The following ENGASE variants were observed in gnomAD, a reference collection of about 807,000 sequenced individuals.
The protein encoded by ENGASE is endo-beta-N-acetylglucosaminidase.
ENGASE carries 69 observed loss-of-function variants against 78.5 expected under a neutral mutation model. The ratio of observed to expected loss-of-function variants is 0.88; its 90% CI spans 0.72 to 1.07. The LOEUF (loss-of-function observed/expected upper bound fraction) is 1.07. ENGASE is among the 50% of genes least tolerant of loss of function. The probability of loss-of-function intolerance (pLI) is 0.00; values close to 1 mark genes in which losing one functional copy is unlikely to be tolerated. For synonymous variants in ENGASE, 408 were observed against 408.9 expected, an observed-to-expected ratio of 1.00 and a Z score of 0.03; for missense variants, 943 against 988.4, an observed-to-expected ratio of 0.95 and a Z score of 0.62.
chr17:79,077,966 G>A, intron 3 of ENGASE, 102 bp downstream of exon 3: 1 of 1,247,834 alleles, frequency 8.0e-7, no homozygotes, highest in Non-Finnish European at 1.1e-6. Context: ...AAGAGCACTG[G>A]GCGGGGAGTC....
Position 79,081,926 on chromosome 17 carries a change from T to C in ENGASE, c.901T>C (p.Phe301Leu). The C allele has an allele frequency of 6.2e-7, 1 of 1,613,700 alleles. No individual in the cohort carries two copies. Among genetic ancestry groups the C allele is most frequent in the Non-Finnish European group, 8.5e-7 (1 of 1,179,738 alleles). The change falls in exon 7 of 14, where the codon TTC becomes CTC. Residue 301 changes from phenylalanine (F) to leucine (L), a missense_variant. Physicochemically the swap from Phe to Leu is conservative, Grantham distance 22. Coordinates refer to ENST00000579016, the MANE Select transcript of ENGASE (RefSeq NM_001042573.3). ...RVFFDSCDGF[F>L]TNYNWREEHL... ...CTTCTTTGATTCCTGCGACGGCTTC[T>C]TCACTAACTATAACTGGCGGGAGGA...
Position 79,074,970 on chromosome 17 carries a change from C to G in ENGASE, c.26C>G (p.Thr9Ser), listed in dbSNP as rs1048262706. ...ATGGAGGCCGCGGCGGTGACGGTCA[C>G]CCGGTCGGCTACACGGCGGCGGCGG... MEAAAVTV[T>S]RSATRRRRRQ... Residue 9 changes from threonine (T) to serine (S), a missense_variant, in exon 1 of 14, where the codon ACC (threonine) becomes AGC (serine). Thr to Ser is a moderately conservative substitution (Grantham distance 58). Transcript: ENST00000579016. 3.2e-6 allele frequency: 4 copies of G among 1,247,908 alleles called. No individual in the cohort carries two copies. Among genetic ancestry groups the G allele is most frequent in the Admixed American group, 3.7e-5 (1 of 26,712 alleles). The allele number at this position is 1,247,908 out of a possible 1,614,324, so 77.3% of individuals were successfully genotyped here.
At chr17:79,075,185 C>T (rs921498482) in intron 1 of ENGASE, 95 bp downstream of exon 1, 138 of 1,155,644 alleles carry the variant, frequency 1.2e-4, no homozygotes, top group Non-Finnish European at 1.4e-4. Context: ...CGCCGAGGGG[C>T]GGGGGGCCGG....
Position 79,074,867 on chromosome 17 carries a change from C to A in ENGASE, c.-78C>A. On this transcript the variant is annotated 5_prime_UTR_variant, in exon 1 of 14. Transcript: ENST00000579016. Reference sequence around the variant, plus strand: ...CCGTCCCAGCGCGGCGTCAGCGCTGCGCACTTCCCATTGGCCGAGCGCGGC... The same window carrying A: ...CCGTCCCAGCGCGGCGTCAGCGCTGAGCACTTCCCATTGGCCGAGCGCGGC... The A allele has an allele frequency of 8.2e-7, 1 of 1,219,052 alleles. No individual in the cohort carries two copies. Among genetic ancestry groups the A allele is most frequent in the East Asian group, 3.2e-5 (1 of 30,828 alleles). The allele number at this position is 1,219,052 out of a possible 1,614,324, so 75.5% of individuals were successfully genotyped here. A position where few individuals can be genotyped will look rare whatever the true frequency, so the allele number is the denominator to read the frequency against.
Position 79,083,323 on chromosome 17 carries a change from G to T in ENGASE, c.1143-159G>T. On this transcript the variant is annotated intron_variant, in intron 8 of 13. Transcript: ENST00000579016. This position sits in a 1 kb window ranked among gnomAD's most constrained non-coding sequence, Gnocchi z 4.9. ...CAGCGGCCGCTTCCTGCAGACTCGT[G>T]TTTGCAGCGTATCTGTAGACGGGGA... 1.4e-6 allele frequency: 1 copy of T among 699,644 alleles called. No individual in the cohort carries two copies. The highest frequency in any genetic ancestry group is 2.4e-6 in the Non-Finnish European group (1 of 414,546). The allele number at this position is 699,644 out of a possible 1,614,324, so 43.3% of individuals were successfully genotyped here.
In ENGASE at chr17:79,087,431, T is replaced by C. The variant is rs549554198; in HGVS notation, c.*1082T>C. ...CGCCTTCCTCTGTCCTTCCTGCTCT[T>C]TCTTCTCTGCCCAGGCCGCTGCAGC... On this transcript the variant is annotated 3_prime_UTR_variant, in exon 14 of 14. Coordinates refer to ENST00000579016, the MANE Select transcript of ENGASE (RefSeq NM_001042573.3). 49 of 216,418 alleles carry C rather than the reference T, an allele frequency of 2.3e-4. No individual in the cohort carries two copies. The East Asian group carries it at 4.0e-3, about 18-fold the overall frequency. The allele number at this position is 216,418 out of a possible 1,614,324, so 13.4% of individuals were successfully genotyped here.
chr17:79,075,191 G>T (rs1043707617), intron 1 of ENGASE, 101 bp downstream of exon 1: 4 of 1,161,476 alleles, frequency 3.4e-6, no homozygotes, highest in East Asian at 3.7e-5. Context: ...GGGGCGGGGG[G>T]CCGGCGCCTG....
rs757510889 is a variant in ENGASE at position 79,074,921 on chromosome 17, C to T, written c.-24C>T. Reference sequence around the variant, plus strand: ...GGGGCGGGCCCGGGCCTGCGATTGCCTCTCGGCGTGCGCGGACAGTGTCAT... The same window carrying T: ...GGGGCGGGCCCGGGCCTGCGATTGCTTCTCGGCGTGCGCGGACAGTGTCAT... On this transcript the variant is annotated 5_prime_UTR_variant, in exon 1 of 14. Transcript: ENST00000579016. 1.6e-6 allele frequency: 2 copies of T among 1,259,232 alleles called. No individual in the cohort carries two copies. The highest frequency in any genetic ancestry group is 1.5e-5 in the African/African-American group (1 of 65,436). 78.0% of individuals were successfully genotyped at this position (1,259,232 alleles called of 1,614,324 possible).
intron 13 of ENGASE, 75 bp downstream of exon 13, chr17:79,085,809 C>G (rs1443887603): frequency 6.9e-6 from 11 of 1,599,522 alleles, no homozygotes; most frequent in Non-Finnish European, 9.4e-6. Flanking sequence ...CCGCCCCAGG[C>G]CGCCCCCTTC....
intron 3 of ENGASE, 49 bp downstream of exon 3, chr17:79,077,913 TGGGGTGGGGGCTGGA>T: frequency 1.5e-6 from 1 of 684,642 alleles, no homozygotes; most frequent in Non-Finnish European, 2.4e-6. Context: ...TCTCCTTTGC[TGGGGTGGGGGCTGGA>T]GGGGCGGGAG....
chr17:79,076,543 G>A (rs1245637411), intron 1 of ENGASE, among the ~76,000 whole-genome samples: 1 of 152,206 alleles, frequency 6.6e-6, no homozygotes, highest in East Asian at 1.9e-4. Flanking sequence ...CAGCCTGGGC[G>A]ACAGAGCGAG....
At chr17:79,076,576 A>G (rs2072972967) in intron 1 of ENGASE, among the ~76,000 whole-genome samples, 1 of 152,150 alleles carries the variant, frequency 6.6e-6, no homozygotes, top group Non-Finnish European at 1.5e-5. Flanking sequence ...TTAATCAATC[A>G]ATTTTTAAAA....
chr17:79,082,138 A>T lies in ENGASE; in HGVS notation c.1038+75A>T, dbSNP rs779705442. The stretch of plus-strand genomic sequence containing the variant: ...GACCTCATTTCCTCATGGACCTTCC[A>T]TTCCCGTCTGCACCTCAAAGGAATG... On this transcript the variant is annotated intron_variant, in intron 7 of 13. Coordinates refer to ENST00000579016, the MANE Select transcript of ENGASE (RefSeq NM_001042573.3). The T allele has an allele frequency of 3.7e-6, 6 of 1,612,620 alleles. No individual in the cohort carries two copies. The Admixed American group carries it at 6.7e-5, about 18-fold the overall frequency.
chr17:79,075,806 G>A (rs551669906), intron 1 of ENGASE: 52 of 985,340 alleles, frequency 5.3e-5, no homozygotes, highest in Non-Finnish European at 6.3e-5. Context: ...TGGGATGAAG[G>A]CTGGCTGCTG....
chr17:79,086,073 C>T lies in ENGASE; in HGVS notation c.1956C>T (p.Ser652=). The change falls in exon 14 of 14, where the codon TCC becomes TCT. Residue 652 remains serine (S), a synonymous_variant. Transcript: ENST00000579016. ...AGCTCAGCTGCACCCTGCACTGGTC[C>T]TTCCTCCTCTCACAAGTCCGTTGCT... is the stretch of plus-strand genomic sequence containing the variant. ...LLQLSCTLHW[S]FLLSQVRCFR... is the part of the protein sequence containing the mutation. 1 of 1,613,000 alleles carries T rather than the reference C, an allele frequency of 6.2e-7. No homozygotes were observed. Among genetic ancestry groups the T allele is most frequent in the Non-Finnish European group, 8.5e-7 (1 of 1,179,490 alleles).
chr17:79,084,472 T>G, intron 10 of ENGASE, 66 bp from the exon 11 acceptor site: 1 of 1,455,222 alleles, frequency 6.9e-7, no homozygotes, highest in Non-Finnish European at 9.1e-7. Context: ...GTGGACGCGA[T>G]TTGGAGCTGG....
chr17:79,078,009 G>C, intron 3 of ENGASE, 145 bp downstream of exon 3: 2 of 800,420 alleles, frequency 2.5e-6, no homozygotes, highest in Non-Finnish European at 3.9e-6. Context: ...GGCACTAACT[G>C]CGAGAAGAAG....
rs534223360 is a variant in ENGASE, at chr17:79,075,891, G to A, written c.146+801G>A. 1.3e-5 allele frequency: 13 copies of A among 985,400 alleles called. No homozygotes were observed. In the East Asian group the frequency reaches 1.4e-3, roughly 103 times the overall value. 61.0% of individuals were successfully genotyped at this position (985,400 alleles called of 1,614,324 possible). A position where few individuals can be genotyped will look rare whatever the true frequency, so the allele number is the denominator to read the frequency against. ...TAGTGGAGGAATGACAGGTGACAAA[G>A]GTGACCTGGTGTGGGATTGTTCTGA... On this transcript the variant is annotated intron_variant, in intron 1 of 13. Coordinates refer to ENST00000579016, the MANE Select transcript of ENGASE (RefSeq NM_001042573.3).
chr17:79,082,441 CA>C (rs2073169930), intron 7 of ENGASE: 9 of 1,216,864 alleles, frequency 7.4e-6, no homozygotes, highest in Non-Finnish European at 9.4e-6. Context: ...CACTGCGGCT[CA>C]GGGGCGAGGA....
Sources: gnomAD v4.1 joint callset for allele counts (sites outside exome capture counted in the v4.1 genomes callset) on GRCh38, gnomAD v4.1.1 for gene constraint, Gnocchi (gnomAD v3.1) non-coding constraint, MANE v1.5 for transcripts, NCBI Gene and HGNC (gene_info 2026-07-23, HGNC 2026-07-21) for gene names.